SORCS3: variants seen among roughly 807,000 people sequenced by gnomAD.
SORCS3 encodes VPS10 domain-containing receptor SorCS3.
SORCS3 carries 57 observed loss-of-function variants against 146.3 expected under a neutral mutation model. The observed-to-expected ratio is 0.39, with a 90% confidence interval of 0.31 to 0.49. The LOEUF (loss-of-function observed/expected upper bound fraction) is 0.49. Ranked by LOEUF, SORCS3 falls within the 20% of genes least tolerant of loss-of-function variation. The pLI is 0.92. For synonymous variants in SORCS3, 653 were observed against 618.5 expected, an observed-to-expected ratio of 1.06 and a Z score of -0.83; for missense variants, 1,341 against 1,575.5, an observed-to-expected ratio of 0.85 and a Z score of 2.52.
intron 1 of SORCS3, among the ~76,000 whole-genome samples, chr10:104,821,009 A>G (rs2017866491): frequency 6.6e-6 from 1 of 152,196 alleles, no homozygotes; most frequent in Non-Finnish European, 1.5e-5. Flanking sequence ...AGAAAGGACT[A>G]GATGTTTATG....
intron 1 of SORCS3, among the ~76,000 whole-genome samples, chr10:104,659,092 A>G (rs999908789): frequency 2.0e-5 from 3 of 152,188 alleles, no homozygotes; most frequent in Non-Finnish European, 4.4e-5. Flanking sequence ...ATGGTATTAA[A>G]TTGTGGAAGA....
At chr10:104,951,257 A>G (rs1228151473) in intron 3 of SORCS3, among the ~76,000 whole-genome samples, 1 of 152,156 alleles carries the variant, frequency 6.6e-6, no homozygotes, top group African/African-American at 2.4e-5. Flanking sequence ...GACAGAAATC[A>G]TCTTGCTTAA....
chr10:105,211,389 A>AGGAGT, intron 17 of SORCS3, 139 bp downstream of exon 17: 1 of 653,840 alleles, frequency 1.5e-6, no homozygotes, highest in South Asian at 1.8e-5. Flanking sequence ...AAGGGAAGTG[A>AGGAGT]GGAGTTCTTT....
At chr10:105,249,938 G>A (rs1244273670) in intron 22 of SORCS3, among the ~76,000 whole-genome samples, 1 of 152,026 alleles carries the variant, frequency 6.6e-6, no homozygotes. Flanking sequence ...AGACTGTTAT[G>A]TATGCTGTGT....
chr10:105,157,436 CA>C, intron 10 of SORCS3, 152 bp downstream of exon 10: 1 of 823,212 alleles, frequency 1.2e-6, no homozygotes, highest in Non-Finnish European at 1.8e-6. Flanking sequence ...TGTGTGGACT[CA>C]GAGTGCAGCA....
At chr10:105,106,898 C>A (rs183039602) in intron 7 of SORCS3, among the ~76,000 whole-genome samples, 6 of 152,264 alleles carry the variant, frequency 3.9e-5, no homozygotes, top group African/African-American at 1.4e-4. Context: ...AAATACATAG[C>A]ACCAGTCACT....
chr10:104,799,196 A>T (rs2017594455), intron 1 of SORCS3, among the ~76,000 whole-genome samples: 1 of 152,230 alleles, frequency 6.6e-6, no homozygotes, highest in Non-Finnish European at 1.5e-5. Context: ...ATTACTGGGC[A>T]TATACCCAAA....
At chr10:105,208,062 C>A (rs1396377791) in intron 16 of SORCS3, among the ~76,000 whole-genome samples, 1 of 152,152 alleles carries the variant, frequency 6.6e-6, no homozygotes, top group Non-Finnish European at 1.5e-5. Flanking sequence ...GTAATTCAGG[C>A]CAGGAACATG....
At chr10:104,886,135 A>C (rs2018681856) in intron 2 of SORCS3, among the ~76,000 whole-genome samples, 1 of 152,086 alleles carries the variant, frequency 6.6e-6, no homozygotes, top group South Asian at 2.1e-4. Context: ...ATAGTCCTTA[A>C]ATGCATCTTT....
chr10:104,963,709 T>A, intron 3 of SORCS3, among the ~76,000 whole-genome samples: 1 of 152,132 alleles, frequency 6.6e-6, no homozygotes, highest in Non-Finnish European at 1.5e-5. Flanking sequence ...AACGTCTCTG[T>A]TTGGATGTGT....
chr10:104,780,480 A>T (rs539825912), intron 1 of SORCS3, among the ~76,000 whole-genome samples: 48 of 152,286 alleles, frequency 3.2e-4, no homozygotes, highest in African/African-American at 1.1e-3. Context: ...ATATGAGCCC[A>T]CCTGGTCTGG....
At chr10:104,765,440 A>T (rs1367764759) in intron 1 of SORCS3, among the ~76,000 whole-genome samples, 1 of 152,208 alleles carries the variant, frequency 6.6e-6, no homozygotes, top group Non-Finnish European at 1.5e-5. Context: ...CTTATCTGTA[A>T]AATGGGAGGT....
chr10:105,080,437 C>T (rs1181295851), intron 5 of SORCS3, among the ~76,000 whole-genome samples: 1 of 151,826 alleles, frequency 6.6e-6, no homozygotes, highest in African/African-American at 2.4e-5. Flanking sequence ...CTTGTAGATG[C>T]TGGACTTTTG....
intron 5 of SORCS3, among the ~76,000 whole-genome samples, chr10:105,066,197 GGCC>G (rs2055521928): frequency 1.3e-5 from 2 of 152,170 alleles, no homozygotes; most frequent in South Asian, 4.1e-4. Context: ...TTGCACAAAA[GGCC>G]TGCATTAACA....
At chr10:104,879,473 A>G in intron 2 of SORCS3, among the ~76,000 whole-genome samples, 1 of 152,172 alleles carries the variant, frequency 6.6e-6, no homozygotes, top group South Asian at 2.1e-4. Context: ...AACCCAGGAT[A>G]ATCTCCTGAT....
rs146119672 is a variant in SORCS3 at position 104,754,332 on chromosome 10, G to A, written c.628-88460G>A. On this transcript the variant is annotated intron_variant, in intron 1 of 26. Coordinates refer to ENST00000369701, the MANE Select transcript of SORCS3 (RefSeq NM_014978.3). ...ATCAGATTGTCAGACCCCACGCAGG[G>A]CCTCCAGAATCTCTCCAGCTGTAGC... Among the ~76,000 whole-genome samples, 14 of 152,252 alleles carry A rather than the reference G, an allele frequency of 9.2e-5. No homozygotes were observed. In the East Asian group the frequency reaches 2.5e-3, roughly 27 times the overall value.
chr10:104,942,685 A>T (rs1474314802), intron 3 of SORCS3, among the ~76,000 whole-genome samples: 2 of 152,290 alleles, frequency 1.3e-5, no homozygotes, highest in Admixed American at 1.3e-4. Flanking sequence ...AAAGGAGAAA[A>T]TCATGTGATA....
chr10:104,929,063 T>C (rs1275869277), intron 3 of SORCS3, among the ~76,000 whole-genome samples: 4 of 152,186 alleles, frequency 2.6e-5, no homozygotes, highest in Non-Finnish European at 5.9e-5. Context: ...TTATTCCTGG[T>C]TTCCCCCAGG....
intron 4 of SORCS3, among the ~76,000 whole-genome samples, chr10:105,024,203 A>G (rs540414502): frequency 2.0e-5 from 3 of 152,354 alleles, no homozygotes; most frequent in South Asian, 2.1e-4. Context: ...GTGATATTCA[A>G]TAACACAAAA....
Sources: allele counts gnomAD v4.1 joint callset (sites outside exome capture counted in the v4.1 genomes callset), GRCh38; gene constraint gnomAD v4.1.1; transcripts MANE v1.5; gene names NCBI Gene and HGNC (gene_info 2026-07-23, HGNC 2026-07-21).